SNRPB2: variants seen among roughly 807,000 people sequenced by gnomAD.
The protein encoded by SNRPB2 is small nuclear ribonucleoprotein polypeptide B2.
Under a neutral mutation model 26.3 loss-of-function variants are expected in SNRPB2, and 16 were observed. The ratio of observed to expected loss-of-function variants is 0.61; its 90% CI spans 0.41 to 0.92. The LOEUF (loss-of-function observed/expected upper bound fraction) is 0.92. Ranked by LOEUF, SNRPB2 falls within the 40% of genes least tolerant of loss-of-function variation. SNRPB2 has a pLI of 0.00. For missense variants in SNRPB2, 179 were observed against 268.1 expected (o/e 0.67, Z 2.32); for synonymous variants, 75 against 89.0 (o/e 0.84, Z 0.88).
chr20:16,738,307 TG>T (rs961500284), intron 4 of SNRPB2, among the ~76,000 whole-genome samples: 1 of 151,420 alleles, frequency 6.6e-6, no homozygotes, highest in African/African-American at 2.4e-5. Context: ...CTGGCCGTGG[TG>T]GTGGATGCCT....
intron 1 of SNRPB2, 58 bp from the exon 2 acceptor site, chr20:16,731,610 T>C (rs972542650): frequency 1.3e-6 from 2 of 1,499,528 alleles, no homozygotes; most frequent in African/African-American, 2.8e-5. Context: ...TTAATAATTC[T>C]TGTGTTGTGT....
chr20:16,740,186 A>G, intron 5 of SNRPB2, 139 bp from the exon 6 acceptor site: 1 of 1,433,304 alleles, frequency 7.0e-7, no homozygotes, highest in Non-Finnish European at 9.2e-7. Context: ...TGCCTTGCTT[A>G]GTTACTGTAA....
Position 16,740,347 on chromosome 20 carries a change from A to G in SNRPB2, c.452A>G (p.Tyr151Cys), listed in dbSNP as rs143329029. ...NPQVPDYPPN[Y>C]ILFLNNLPEE... Reference sequence around the variant, plus strand: ...TAGGTCCCTGATTACCCTCCAAACTATATTTTATTCCTTAATAACTTACCA... The same window carrying G: ...TAGGTCCCTGATTACCCTCCAAACTGTATTTTATTCCTTAATAACTTACCA... The change falls in exon 6 of 7, where the codon TAT becomes TGT. Residue 151 changes from tyrosine (Y) to cysteine (C), a missense_variant. By Grantham distance (194) the Tyr-to-Cys change is radical. This residue lies in a region of SNRPB2 where 145 missense variants were observed against 180.7 expected (regional missense o/e 0.80). Transcript: ENST00000246071. 3.1e-4 allele frequency: 504 copies of G among 1,611,360 alleles called. 2 individuals are homozygous for G. Among genetic ancestry groups the G allele is most frequent in the Non-Finnish European group, 3.7e-4 (433 of 1,178,848 alleles).
rs767397601 is a variant in SNRPB2 at position 16,740,969 on chromosome 20, G to A, written c.642G>A (p.Pro214=). 9.3e-6 allele frequency: 15 copies of A among 1,612,352 alleles called. No homozygotes were observed. Among genetic ancestry groups the A allele is most frequent in the African/African-American group, 6.7e-5 (5 of 74,868 alleles). Reference sequence around the variant, plus strand: ...CTTTACAGGGATTTAAGATCACACCGTCCCATGCTATGAAGATCACCTATG... The same window carrying A: ...CTTTACAGGGATTTAAGATCACACCATCCCATGCTATGAAGATCACCTATG... The part of the protein sequence containing the change: ...RDALQGFKIT[P]SHAMKITYAK... Residue 214 remains proline (P), a synonymous_variant, in exon 7 of 7, where the codon CCG becomes CCA. Transcript: ENST00000246071.
At position 16,730,027 on chromosome 20, in the gene SNRPB2, C is replaced by T. The variant is rs931497527; in HGVS notation, c.-173C>T. On this transcript the variant is annotated 5_prime_UTR_variant, in exon 1 of 7. Coordinates refer to ENST00000246071, the MANE Select transcript of SNRPB2 (RefSeq NM_003092.5). ...TGCTTCCGGTGCCTGGCTCCGTTTC[C>T]TGCTTTTGGTTCTTACAGTAGTCGG... 6.6e-6 allele frequency: 1 copy of T among 152,502 alleles called. No homozygotes were observed. The highest frequency in any genetic ancestry group is 1.5e-5 in the Non-Finnish European group (1 of 68,260). The allele number at this position is 152,502 out of a possible 1,614,324, so 9.4% of individuals were successfully genotyped here.
At chr20:16,733,324 T>C (rs947925863) in intron 3 of SNRPB2, among the ~76,000 whole-genome samples, 1 of 152,236 alleles carries the variant, frequency 6.6e-6, no homozygotes, top group Non-Finnish European at 1.5e-5. Flanking sequence ...TTACGTTTTT[T>C]AACAACCCTT....
intron 5 of SNRPB2, 114 bp downstream of exon 5, chr20:16,739,016 A>C: frequency 1.4e-6 from 1 of 704,880 alleles, no homozygotes; most frequent in South Asian, 1.6e-5. Flanking sequence ...TACAAGACAC[A>C]GTGCGTTAAA....
chr20:16,741,032 C>T lies in SNRPB2; in HGVS notation c.*27C>T. The T allele has an allele frequency of 6.5e-7, 1 of 1,539,372 alleles. No individual in the cohort carries two copies. The highest frequency in any genetic ancestry group is 1.4e-5 in the African/African-American group (1 of 73,298). The stretch of plus-strand genomic sequence containing the variant: ...ATTTGGGATAGTCGTCTTTAAAAGA[C>T]TTGGTGTTATTTACAGTGTTTGTTT... On this transcript the variant is annotated 3_prime_UTR_variant, in exon 7 of 7. Transcript: ENST00000246071.
rs1203929946 is a variant in SNRPB2, at chr20:16,732,135, A to G, written c.65-29A>G. ...GACTTTTGTCATTACTTTATTACCA[A>G]TAACTTGTTTCTTTTCTAATTTGGA... On this transcript the variant is annotated intron_variant, in intron 2 of 6. Transcript: ENST00000246071. The G allele has an allele frequency of 7.7e-6, 11 of 1,434,324 alleles. No individual in the cohort carries two copies. In the Admixed American group the frequency reaches 2.2e-4, roughly 29 times the overall value. The allele number at this position is 1,434,324 out of a possible 1,614,324, so 88.8% of individuals were successfully genotyped here. A position where few individuals can be genotyped will look rare whatever the true frequency, so the allele number is the denominator to read the frequency against.
rs543644588 is a variant in SNRPB2 at position 16,741,807 on chromosome 20, C to T, written c.*802C>T. The stretch of plus-strand genomic sequence containing the variant: ...CTACTTCTTTGTAATTCTTAAACAC[C>T]AATGTTCAAATATTTCCAAAGCCCA... On this transcript the variant is annotated 3_prime_UTR_variant, in exon 7 of 7. Transcript: ENST00000246071. 3.3e-5 allele frequency: 5 copies of T among 152,174 alleles called. No homozygotes were observed. The highest frequency in any genetic ancestry group is 1.2e-4 in the African/African-American group (5 of 41,528). The allele number at this position is 152,174 out of a possible 1,614,324, so 9.4% of individuals were successfully genotyped here. A position where few individuals can be genotyped will look rare whatever the true frequency, so the allele number is the denominator to read the frequency against.
At chr20:16,740,241 G>T in intron 5 of SNRPB2, 84 bp from the exon 6 acceptor site, 2 of 1,566,338 alleles carry the variant, frequency 1.3e-6, no homozygotes, top group Non-Finnish European at 1.7e-6. Context: ...CAGCTTTATT[G>T]TTTGATATAG....
rs2072454712 is a variant in SNRPB2, at chr20:16,740,286, A to C, written c.430-39A>C. ...ACATGCCTAGCTTACGATGCTGTTT[A>C]AACTTACAAGCTAACTTTGCCTTTT... is the stretch of plus-strand genomic sequence containing the variant. On this transcript the variant is annotated intron_variant, in intron 5 of 6. Transcript: ENST00000246071. 10 of 1,604,428 alleles carry C rather than the reference A, an allele frequency of 6.2e-6. No homozygotes were observed. The East Asian group carries it at 2.2e-4, about 36-fold the overall frequency.
chr20:16,742,131 CTT>C lies in SNRPB2; in HGVS notation c.*1128_*1129del, dbSNP rs1389672983. ...AAGAGGAAAAAAATGTTTCCTATAA[CTT>C]TGTCACAGTTAGTCTGACTCTTCTG... On this transcript the variant is annotated 3_prime_UTR_variant, in exon 7 of 7. Transcript: ENST00000246071. 2.6e-5 allele frequency: 4 copies of C among 152,120 alleles called. No homozygotes were observed. Among genetic ancestry groups the C allele is most frequent in the African/African-American group, 9.6e-5 (4 of 41,492 alleles). The allele number at this position is 152,120 out of a possible 1,614,324, so 9.4% of individuals were successfully genotyped here.
chr20:16,740,293 C>G, intron 5 of SNRPB2, 32 bp from the exon 6 acceptor site: 1 of 1,605,792 alleles, frequency 6.2e-7, no homozygotes, highest in Non-Finnish European at 8.5e-7. Context: ...TTTAAACTTA[C>G]AAGCTAACTT....
At chr20:16,738,443 CAA>C (rs11292422) in intron 4 of SNRPB2, among the ~76,000 whole-genome samples, 9,998 of 78,752 alleles carry the variant, frequency 0.13, 340 homozygotes, top group Middle Eastern at 0.25. Flanking sequence ...GACTCCATCT[CAA>C]AAAAAAAAAA....
intron 3 of SNRPB2, among the ~76,000 whole-genome samples, chr20:16,735,483 G>A (rs545032986): frequency 2.0e-5 from 3 of 152,254 alleles, no homozygotes; most frequent in African/African-American, 7.2e-5. Flanking sequence ...GTTCATTGGC[G>A]CTGAGTATAG....
Position 16,732,716 on chromosome 20 carries a change from T to A in SNRPB2, c.237+380T>A, listed in dbSNP as rs1043841134. The stretch of plus-strand genomic sequence containing the variant: ...CAGTCTGAAGTTTTAGAATATGTCG[T>A]AGTGAAATACTATGTGTCAGAAGCT... On this transcript the variant is annotated intron_variant, in intron 3 of 6. Transcript: ENST00000246071. 4.6e-5 allele frequency among the ~76,000 whole-genome samples: 7 copies of A among 152,230 alleles called. No homozygotes were observed. In the East Asian group the frequency reaches 1.3e-3, roughly 29 times the overall value.
chr20:16,738,257 A>G (rs2072440863), intron 4 of SNRPB2, among the ~76,000 whole-genome samples: 1 of 151,740 alleles, frequency 6.6e-6, no homozygotes, highest in East Asian at 2.0e-4. Flanking sequence ...CCTGGCCAAC[A>G]TGGTGATACC....
At chr20:16,731,339 A>G (rs1477048304) in intron 1 of SNRPB2, among the ~76,000 whole-genome samples, 1 of 152,224 alleles carries the variant, frequency 6.6e-6, no homozygotes, top group Non-Finnish European at 1.5e-5. Flanking sequence ...TTTTTCTTCA[A>G]ATCTACATTT....
Sources: gnomAD v4.1 joint callset for allele counts (sites outside exome capture counted in the v4.1 genomes callset) on GRCh38, gnomAD v4.1.1 for gene constraint, gnomAD v4.1.1 regional missense constraint, MANE v1.5 for transcripts, NCBI Gene and HGNC (gene_info 2026-07-23, HGNC 2026-07-21) for gene names.